CTBP2: variants seen among roughly 807,000 people sequenced by gnomAD.
The protein encoded by CTBP2 is C-terminal binding protein 2.
Under a neutral mutation model 80.3 loss-of-function variants are expected in CTBP2, and 30 were observed. That is an observed-to-expected ratio of 0.37 (90% CI 0.28 to 0.51). The LOEUF is 0.51. Ranked by LOEUF, CTBP2 falls within the 20% of genes least tolerant of loss-of-function variation. The pLI is 0.93. For synonymous variants in CTBP2, 594 were observed against 587.4 expected, an observed-to-expected ratio of 1.01 and a Z score of -0.16; for missense variants, 1,212 against 1,375.3, an observed-to-expected ratio of 0.88 and a Z score of 1.88.
intron 1 of CTBP2, among the ~76,000 whole-genome samples, chr10:125,007,586 T>C (rs1393147788): frequency 1.3e-5 from 2 of 152,190 alleles, no homozygotes; most frequent in Admixed American, 6.5e-5. Flanking sequence ...TGTGGGGAGC[T>C]GCTGCTTTCT....
intron 1 of CTBP2, among the ~76,000 whole-genome samples, chr10:125,145,714 CTAA>C (rs1227137687): frequency 1.3e-5 from 2 of 152,086 alleles, no homozygotes; most frequent in South Asian, 2.1e-4. Flanking sequence ...ACCACCGTCC[CTAA>C]TAATAATAAT....
intron 2 of CTBP2, among the ~76,000 whole-genome samples, chr10:125,051,338 G>C (rs968709262): frequency 6.6e-6 from 1 of 152,164 alleles, no homozygotes; most frequent in East Asian, 1.9e-4. Flanking sequence ...AGTCCCCAAA[G>C]CAATTAAAAT....
intron 1 of CTBP2, among the ~76,000 whole-genome samples, chr10:125,011,760 G>T (rs535455158): frequency 6.6e-6 from 1 of 152,362 alleles, no homozygotes; most frequent in African/African-American, 2.4e-5. Context: ...CAGAACACAG[G>T]AAAGTGACAG....
At chr10:125,049,535 A>C (rs1962208562) in intron 2 of CTBP2, among the ~76,000 whole-genome samples, 1 of 152,162 alleles carries the variant, frequency 6.6e-6, no homozygotes. Context: ...ATTCAGTGGG[A>C]CTTGCTTTCA....
In CTBP2 at chr10:125,024,175, G is replaced by A. The variant is rs562822791; in HGVS notation, c.1678+1907C>T. ...TTCTGTGGAACCTACTGTACAAAAC[G>A]TACAGCCATGTACACAGCTGAAGCG... On this transcript the variant is annotated intron_variant, in intron 1 of 8. Coordinates refer to ENST00000309035, the MANE Select transcript of CTBP2 (RefSeq NM_022802.3). Among the ~76,000 whole-genome samples, 37 of 152,320 alleles carry A rather than the reference G, an allele frequency of 2.4e-4. No individual in the cohort carries two copies. The East Asian group carries it at 5.8e-3, about 24-fold the overall frequency.
intron 2 of CTBP2, among the ~76,000 whole-genome samples, chr10:125,104,400 T>G (rs1316186710): frequency 1.3e-5 from 2 of 152,232 alleles, no homozygotes; most frequent in Non-Finnish European, 2.9e-5. Context: ...TTTAACAGCT[T>G]CTGCAACTTC....
chr10:124,993,396 C>A, intron 6 of CTBP2, 67 bp from the exon 9 acceptor site: 2 of 1,534,640 alleles, frequency 1.3e-6, no homozygotes, highest in Middle Eastern at 1.7e-4. Flanking sequence ...CTCCTCAGCA[C>A]AAGGGAGCTC....
chr10:125,042,185 T>C (rs548092901), intron 2 of CTBP2, among the ~76,000 whole-genome samples: 1 of 152,326 alleles, frequency 6.6e-6, no homozygotes, highest in South Asian at 2.1e-4. Context: ...ATGTATGAAA[T>C]GTGACATTTT....
At position 124,987,818 on chromosome 10, in the gene CTBP2, G is replaced by A. The variant is rs138478993; in HGVS notation, c.*1700C>T. 3 of 152,212 alleles carry A rather than the reference G, an allele frequency of 2.0e-5. No homozygotes were observed. Among genetic ancestry groups the A allele is most frequent in the East Asian group, 1.9e-4 (1 of 5,190 alleles). 9.4% of individuals were successfully genotyped at this position (152,212 alleles called of 1,614,324 possible). On this transcript the variant is annotated 3_prime_UTR_variant, in exon 9 of 9. Transcript: ENST00000309035. ...AGAGCTCAGAGGGAGTTTCATACCT[G>A]GAATTGTTGGACTTAATTGACACTT...
chr10:125,003,315 C>T, intron 2 of CTBP2, 23 bp downstream of exon 4: 1 of 1,604,366 alleles, frequency 6.2e-7, no homozygotes, highest in Non-Finnish European at 8.5e-7. Context: ...AGTGCAGGCC[C>T]CGGCCGGGCA....
At chr10:125,087,992 G>A (rs766266378) in intron 2 of CTBP2, among the ~76,000 whole-genome samples, 22 of 152,070 alleles carry the variant, frequency 1.4e-4, no homozygotes, top group African/African-American at 5.3e-4. Context: ...TTCCTGCACC[G>A]TCCATTCCCA....
At chr10:125,114,150 T>C (rs1852776205) in intron 1 of CTBP2, among the ~76,000 whole-genome samples, 1 of 152,172 alleles carries the variant, frequency 6.6e-6, no homozygotes, top group South Asian at 2.1e-4. Flanking sequence ...AGAAATGACT[T>C]AGCTGATTAA....
At chr10:125,092,915 G>C (rs77077689) in intron 2 of CTBP2, among the ~76,000 whole-genome samples, 5 of 143,332 alleles carry the variant, frequency 3.5e-5, no homozygotes, top group African/African-American at 1.0e-4. Flanking sequence ...CTTCTAGAGT[G>C]GGGGGGGGCA....
chr10:125,007,017 G>A (rs573945402), intron 1 of CTBP2, among the ~76,000 whole-genome samples: 104 of 152,338 alleles, frequency 6.8e-4, no homozygotes, highest in African/African-American at 2.4e-3. Context: ...CCGTACCACG[G>A]TGCGCAACCA....
intron 2 of CTBP2, among the ~76,000 whole-genome samples, chr10:125,055,643 C>G (rs1220960462): frequency 1.3e-5 from 2 of 152,170 alleles, no homozygotes; most frequent in Non-Finnish European, 2.9e-5. Context: ...AAAGCCACAC[C>G]CCACAATCCC....
At chr10:125,045,173 G>A (rs1960912239) in intron 2 of CTBP2, among the ~76,000 whole-genome samples, 1 of 152,066 alleles carries the variant, frequency 6.6e-6, no homozygotes. Context: ...AGATGATCTT[G>A]CTGCCCCACG....
At chr10:125,079,415 C>G (rs1846841347) in intron 2 of CTBP2, among the ~76,000 whole-genome samples, 1 of 152,212 alleles carries the variant, frequency 6.6e-6, no homozygotes, top group Non-Finnish European at 1.5e-5. Context: ...CCGGTTGGAT[C>G]TCCTTCCAAA....
At chr10:125,104,632 C>G (rs1316414985) in intron 2 of CTBP2, among the ~76,000 whole-genome samples, 1 of 152,202 alleles carries the variant, frequency 6.6e-6, no homozygotes, top group Non-Finnish European at 1.5e-5. Context: ...CACACAAATG[C>G]CGATGAATTA....
chr10:124,991,746 A>G (rs2134083828), intron 8 of CTBP2, among the ~76,000 whole-genome samples: 1 of 152,326 alleles, frequency 6.6e-6, no homozygotes, highest in East Asian at 1.9e-4. Context: ...GAGAATGAAG[A>G]GAATGATCTG....
Sources: gnomAD v4.1 joint callset for allele counts (sites outside exome capture counted in the v4.1 genomes callset) on GRCh38, gnomAD v4.1.1 for gene constraint, MANE v1.5 for transcripts, NCBI Gene and HGNC (gene_info 2026-07-23, HGNC 2026-07-21) for gene names.